Variants in MRAP2 observed in about 807,000 individuals in gnomAD.
MRAP2 encodes melanocortin 2 receptor accessory protein 2.
In MRAP2, 20 loss-of-function variants were observed where a neutral mutation model predicts 17.4. That is an observed-to-expected ratio of 1.15 (90% CI 0.81 to 1.67). The LOEUF is 1.67. Ranked by LOEUF, MRAP2 falls within the 40% of genes most tolerant of loss-of-function variation. The pLI, the probability that MRAP2 is intolerant of heterozygous loss-of-function variation, is 0.00. For missense variants in MRAP2, 238 were observed against 240.0 expected, an observed-to-expected ratio of 0.99 and a Z score of 0.05; for synonymous variants, 96 against 88.4, an observed-to-expected ratio of 1.09 and a Z score of -0.48.
chr6:84,124,675 C>T, the MRAP2 span: 1 of 243,806 alleles, frequency 4.1e-6, no homozygotes, highest in Non-Finnish European at 7.8e-6. Context: ...CAATTCCCAC[C>T]ATTATTCAAT....
chr6:84,111,579 T>A, the MRAP2 span, among the ~76,000 whole-genome samples: 1 of 152,164 alleles, frequency 6.6e-6, no homozygotes, highest in East Asian at 1.9e-4. Context: ...TCTTTTTCTA[T>A]TTGAATACCG....
chr6:84,042,021 T>G (rs143633155), intron 1 of MRAP2, among the ~76,000 whole-genome samples: 1 of 152,206 alleles, frequency 6.6e-6, no homozygotes, highest in Non-Finnish European at 1.5e-5. Flanking sequence ...CATCTTGAAC[T>G]GTAGTGCTCA....
intron 1 of MRAP2, chr6:84,052,841 C>G (rs991651326): frequency 1.0e-6 from 1 of 978,320 alleles, no homozygotes; most frequent in Admixed American, 6.1e-5. Flanking sequence ...TTGCTCCTCT[C>G]TTCCCACCTT....
the MRAP2 span, among the ~76,000 whole-genome samples, chr6:84,129,354 T>C: frequency 1.3e-5 from 2 of 152,172 alleles, no homozygotes; most frequent in Non-Finnish European, 2.9e-5. Context: ...CCAGCATCTG[T>C]TTCCTGACTT....
the MRAP2 span, among the ~76,000 whole-genome samples, chr6:84,096,532 G>T: frequency 6.6e-6 from 1 of 152,114 alleles, no homozygotes; most frequent in Non-Finnish European, 1.5e-5. Flanking sequence ...GTATGCGAAT[G>T]ACTTGCATTA....
chr6:84,134,742 C>T, the MRAP2 span, among the ~76,000 whole-genome samples: 2 of 152,120 alleles, frequency 1.3e-5, no homozygotes, highest in African/African-American at 2.4e-5. Context: ...AATCACTTTC[C>T]TTCTGTGTTG....
At chr6:84,098,180 G>A in the MRAP2 span, among the ~76,000 whole-genome samples, 1 of 151,942 alleles carries the variant, frequency 6.6e-6, no homozygotes, top group Non-Finnish European at 1.5e-5. Context: ...ATATTTTCAT[G>A]GTATTTATAT....
intron 3 of MRAP2, among the ~76,000 whole-genome samples, chr6:84,076,640 G>T (rs546742835): frequency 4.6e-5 from 7 of 152,224 alleles, no homozygotes; most frequent in African/African-American, 1.4e-4. Context: ...GATTACAAAC[G>T]TGAGCCACTG....
the MRAP2 span, among the ~76,000 whole-genome samples, chr6:84,137,535 TA>T: frequency 1.3e-5 from 2 of 151,722 alleles, no homozygotes; most frequent in South Asian, 2.1e-4. Flanking sequence ...ATATGCAGAT[TA>T]AAAAAAATAA....
the MRAP2 span, among the ~76,000 whole-genome samples, chr6:84,102,816 A>G: frequency 6.6e-6 from 1 of 151,288 alleles, no homozygotes. Flanking sequence ...AAAAAAAAAA[A>G]TAATGTGAGG....
chr6:84,077,567 T>C (rs149815616), intron 3 of MRAP2, among the ~76,000 whole-genome samples: 1,619 of 152,370 alleles, frequency 0.011, 12 homozygotes, highest in Middle Eastern at 0.041. Context: ...TTAGGTCTTC[T>C]TCAATTTCCC....
chr6:84,121,672 TA>T, the MRAP2 span, among the ~76,000 whole-genome samples: 1 of 151,806 alleles, frequency 6.6e-6, no homozygotes, highest in East Asian at 1.9e-4. Context: ...CACAAGTACA[TA>T]AAAACAAAAC....
intron 3 of MRAP2, among the ~76,000 whole-genome samples, chr6:84,071,771 C>T (rs911149505): frequency 2.0e-5 from 3 of 152,040 alleles, no homozygotes; most frequent in South Asian, 2.1e-4. Flanking sequence ...AGGCTTCTTT[C>T]GTATTTTCTT....
At chr6:84,087,856 GGA>G (rs763256027) in intron 3 of MRAP2, among the ~76,000 whole-genome samples, 13 of 152,130 alleles carry the variant, frequency 8.5e-5, no homozygotes, top group Admixed American at 5.2e-4. Context: ...AACCATGCTA[GGA>G]GACAGATCTG....
At chr6:84,109,449 A>T in the MRAP2 span, among the ~76,000 whole-genome samples, 10 of 151,632 alleles carry the variant, frequency 6.6e-5, no homozygotes, top group Non-Finnish European at 1.3e-4. Flanking sequence ...ATGAAAGTTC[A>T]TTCAAGGTTT....
chr6:84,062,338 T>G (rs535796456), intron 2 of MRAP2, among the ~76,000 whole-genome samples: 1 of 152,232 alleles, frequency 6.6e-6, no homozygotes, highest in South Asian at 2.1e-4. Flanking sequence ...GTACCTTGCT[T>G]CTTTTTTCTG....
At chr6:84,131,671 TTTTG>T in the MRAP2 span, among the ~76,000 whole-genome samples, 948 of 151,214 alleles carry the variant, frequency 6.3e-3, 4 homozygotes, top group African/African-American at 0.022. Flanking sequence ...GCTGCTTTTT[TTTTG>T]TTTTGTTTTC....
rs185401964 is a variant in MRAP2, at chr6:84,069,015, A to G, written c.227+6023A>G. On this transcript the variant is annotated intron_variant, in intron 3 of 3. Coordinates refer to ENST00000257776, the MANE Select transcript of MRAP2 (RefSeq NM_138409.4). ...CTAGGAGCTTTCTGGAGGAGCCTTT[A>G]GGGTTTGCTGATGATCATATCGTCA... 9.5e-4 allele frequency among the ~76,000 whole-genome samples: 144 copies of G among 152,042 alleles called. 1 individual carries two copies. In the Middle Eastern group the frequency reaches 0.02, roughly 22 times the overall value.
the MRAP2 span, among the ~76,000 whole-genome samples, chr6:84,111,611 A>G: frequency 2.0e-5 from 3 of 152,136 alleles, no homozygotes; most frequent in Non-Finnish European, 4.4e-5. Flanking sequence ...CTCTTGCCTA[A>G]TTGCCCTGGC....
Sources: allele counts gnomAD v4.1 joint callset (sites outside exome capture counted in the v4.1 genomes callset), GRCh38; gene constraint gnomAD v4.1.1; transcripts MANE v1.5; gene names NCBI Gene and HGNC (gene_info 2026-07-23, HGNC 2026-07-21).